The following CTSC variants were observed in gnomAD, a reference collection of about 807,000 sequenced individuals.
The protein encoded by CTSC is dipeptidyl peptidase 1.
A neutral mutation model predicts 40.9 loss-of-function variants in CTSC; 37 were observed. The observed-to-expected ratio is 0.91, with a 90% CI of 0.70 to 1.19. The LOEUF (loss-of-function observed/expected upper bound fraction) is 1.19, where lower values mean the gene tolerates loss of function less well. Among genes scored for constraint, CTSC ranks in the 50% most tolerant of loss-of-function variants. CTSC has a pLI of 0.00. For synonymous variants in CTSC, 232 were observed against 207.4 expected (o/e 1.12, Z -1.02); for missense variants, 594 against 567.3 (o/e 1.05, Z -0.48).
At chr11:88,332,939 A>G (rs929456324) in intron 2 of CTSC, among the ~76,000 whole-genome samples, 2 of 152,214 alleles carry the variant, frequency 1.3e-5, no homozygotes, top group African/African-American at 4.8e-5. Context: ...GAACACATAT[A>G]ACTTTATTTG....
Position 88,309,282 on chromosome 11 carries a change from A to G in CTSC, c.522T>C (p.Phe174=), listed in dbSNP as rs762432629. The part of the protein sequence containing the change: ...SNRLYKYDHN[F]VKAINAIQKS... ...TCTGAATGGCATTGATAGCTTTCAC[A>G]AAGTTGTGATCATACTTGTAGAGCC... The change falls in exon 4 of 7, where the codon TTT becomes TTC. Residue 174 remains phenylalanine, a synonymous_variant. Coordinates refer to ENST00000227266, the MANE Select transcript of CTSC (RefSeq NM_001814.6). The G allele has an allele frequency of 2.9e-5, 46 of 1,613,880 alleles. No homozygotes were observed. In the South Asian group the frequency reaches 4.6e-4, roughly 16 times the overall value.
At chr11:88,334,710 T>C in intron 2 of CTSC, 5 of 491,534 alleles carry the variant, frequency 1.0e-5, no homozygotes, top group Non-Finnish European at 1.8e-5. Flanking sequence ...ATTTTAAACA[T>C]AATTTATACA....
intron 1 of CTSC, among the ~76,000 whole-genome samples, chr11:88,336,923 T>C (rs1187800954): frequency 6.6e-6 from 1 of 152,182 alleles, no homozygotes; most frequent in East Asian, 1.9e-4. Flanking sequence ...AGTTAAGTTT[T>C]CTTTGTTATT....
chr11:88,332,126 TAAC>T (rs1477259778), intron 2 of CTSC, among the ~76,000 whole-genome samples: 3 of 152,166 alleles, frequency 2.0e-5, no homozygotes, highest in African/African-American at 4.8e-5. Flanking sequence ...ATTTGTAGGA[TAAC>T]AACAACGATG....
chr11:88,293,918 G>T lies in CTSC; in HGVS notation c.*88C>A. ...TGGAAATCTATTTGTAAGCTTCTGA[G>T]ATTGCTGCTGAAAGTCTACAGTCTG... On this transcript the variant is annotated 3_prime_UTR_variant, in exon 7 of 7. Coordinates refer to ENST00000227266, the MANE Select transcript of CTSC (RefSeq NM_001814.6). 1 of 1,405,790 alleles carries T rather than the reference G, an allele frequency of 7.1e-7. No individual in the cohort carries two copies. The highest frequency in any genetic ancestry group is 1.0e-6 in the Non-Finnish European group (1 of 1,000,184). The allele number at this position is 1,405,790 out of a possible 1,614,324, so 87.1% of individuals were successfully genotyped here.
intron 6 of CTSC, among the ~76,000 whole-genome samples, chr11:88,294,818 T>C (rs1314057754): frequency 6.6e-6 from 1 of 152,240 alleles, no homozygotes; most frequent in Non-Finnish European, 1.5e-5. Flanking sequence ...TCTGTATCTC[T>C]GCTTACTTAC....
chr11:88,329,455 C>CAAAAAAAA (rs34568364), intron 2 of CTSC, among the ~76,000 whole-genome samples: 1 of 67,870 alleles, frequency 1.5e-5, no homozygotes, highest in Admixed American at 2.1e-4. Flanking sequence ...GACTCCATTT[C>CAAAAAAAA]AAAAAAAAAA....
intron 2 of CTSC, among the ~76,000 whole-genome samples, chr11:88,330,399 A>G (rs570185129): frequency 6.6e-6 from 1 of 152,210 alleles, no homozygotes; most frequent in African/African-American, 2.4e-5. Flanking sequence ...CCCAGGCTGG[A>G]GTGCAATGGT....
chr11:88,315,464 T>C (rs1215071129), intron 2 of CTSC, among the ~76,000 whole-genome samples: 2 of 152,184 alleles, frequency 1.3e-5, no homozygotes, highest in African/African-American at 2.4e-5. Context: ...CTGAGTTCTA[T>C]AGGAAAGGGG....
chr11:88,313,840 T>A (rs918153527), intron 2 of CTSC, among the ~76,000 whole-genome samples: 1 of 152,222 alleles, frequency 6.6e-6, no homozygotes. Context: ...TGGGATTCCA[T>A]GATCAAATGC....
chr11:88,333,976 C>T lies in CTSC; in HGVS notation c.318+961G>A, dbSNP rs576718849. On this transcript the variant is annotated intron_variant, in intron 2 of 6. Transcript: ENST00000227266. ...AAAAAATATTGTAAACTTGCTTGGA[C>T]CGCCATAACCTTGTGACAAACCACA... Among the ~76,000 whole-genome samples, 4 of 152,136 alleles carry T rather than the reference C, an allele frequency of 2.6e-5. No homozygotes were observed. In the South Asian group the frequency reaches 8.3e-4, roughly 32 times the overall value.
At position 88,293,914 on chromosome 11, in the gene CTSC, C is replaced by T. The variant is rs1944268511; in HGVS notation, c.*92G>A. ...TTCATGGAAATCTATTTGTAAGCTT[C>T]TGAGATTGCTGCTGAAAGTCTACAG... is the stretch of plus-strand genomic sequence containing the variant. On this transcript the variant is annotated 3_prime_UTR_variant, in exon 7 of 7. Transcript: ENST00000227266. The T allele has an allele frequency of 2.9e-6, 4 of 1,385,224 alleles. No individual in the cohort carries two copies. The highest frequency in any genetic ancestry group is 4.1e-6 in the Non-Finnish European group (4 of 982,382). 85.8% of individuals were successfully genotyped at this position (1,385,224 alleles called of 1,614,324 possible). A position where few individuals can be genotyped will look rare whatever the true frequency, so the allele number is the denominator to read the frequency against.
chr11:88,336,486 C>T (rs1938497762), intron 1 of CTSC, among the ~76,000 whole-genome samples: 1 of 150,426 alleles, frequency 6.6e-6, no homozygotes, highest in South Asian at 2.1e-4. Context: ...TTGCAGTGAG[C>T]CGAGATCCCG....
intron 4 of CTSC, among the ~76,000 whole-genome samples, 190 bp from the exon 5 acceptor site, chr11:88,300,835 C>T (rs556242155): frequency 2.4e-4 from 35 of 148,084 alleles, no homozygotes; most frequent in South Asian, 2.2e-3. Context: ...GGCTTTCATT[C>T]GCTGTTTCTT....
intron 2 of CTSC, among the ~76,000 whole-genome samples, chr11:88,314,485 G>A (rs1937832705): frequency 6.6e-6 from 1 of 152,044 alleles, no homozygotes; most frequent in Non-Finnish European, 1.5e-5. Flanking sequence ...AGTTACTCTG[G>A]GCTACTCATA....
intron 2 of CTSC, among the ~76,000 whole-genome samples, chr11:88,317,739 T>G (rs1425373567): frequency 6.6e-6 from 1 of 152,200 alleles, no homozygotes; most frequent in Non-Finnish European, 1.5e-5. Context: ...CCAAAAAATT[T>G]TTCTGAGTTT....
intron 5 of CTSC, chr11:88,299,429 C>T (rs1050446136): frequency 6.6e-6 from 1 of 152,090 alleles, no homozygotes; most frequent in Non-Finnish European, 1.5e-5. Flanking sequence ...TTCTTTAGAG[C>T]TGAAGAGCCC....
intron 2 of CTSC, among the ~76,000 whole-genome samples, chr11:88,315,571 T>C (rs1937857015): frequency 6.6e-6 from 1 of 152,166 alleles, no homozygotes; most frequent in Admixed American, 6.5e-5. Flanking sequence ...CTATGGCTAC[T>C]TTTGTGCCAC....
At chr11:88,324,620 A>G in intron 2 of CTSC, 1 of 984,772 alleles carries the variant, frequency 1.0e-6, no homozygotes, top group Middle Eastern at 5.2e-4. Context: ...TTGAAGATAT[A>G]CAGGGAGAAA....
Sources: allele counts gnomAD v4.1 joint callset (sites outside exome capture counted in the v4.1 genomes callset), GRCh38; gene constraint gnomAD v4.1.1; transcripts MANE v1.5; gene names NCBI Gene and HGNC (gene_info 2026-07-23, HGNC 2026-07-21).